RBM15: variants seen among roughly 807,000 people sequenced by gnomAD.
The protein encoded by RBM15 is RNA-binding protein 15.
RBM15 carries 8 observed loss-of-function variants against 62.6 expected under a neutral mutation model. The observed-to-expected ratio is 0.13, with a 90% CI of 0.07 to 0.23. RBM15 has a LOEUF of 0.23. RBM15 is among the 10% of genes least tolerant of loss of function. The pLI is 1.00. For synonymous variants in RBM15, 606 were observed against 505.7 expected, an observed-to-expected ratio of 1.20 and a Z score of -2.66; for missense variants, 1,144 against 1,286.5, an observed-to-expected ratio of 0.89 and a Z score of 1.69.
In RBM15 at chr1:110,340,068, C is replaced by G; in HGVS notation, c.663C>G (p.Asn221Lys). ...GGGATGAGCGGGTAGCCTTTGTGAACTTCCGGCGGCCAGAGGACGCGCGGG... is the reference window on the plus strand; with the variant it reads ...GGGATGAGCGGGTAGCCTTTGTGAAGTTCCGGCGGCCAGAGGACGCGCGGG... Reference protein sequence around the residue: ...GSGDERVAFVNFRRPEDARAA... With the variant: ...GSGDERVAFVKFRRPEDARAA... Residue 221 changes from asparagine (N) to lysine (K), a missense_variant, in exon 1 of 3, where the codon AAC becomes AAG. By Grantham distance (94) the Asn-to-Lys change is moderately conservative. Coordinates refer to ENST00000369784, the MANE Select transcript of RBM15 (RefSeq NM_022768.5). This position sits in a 1 kb window ranked among gnomAD's most constrained non-coding sequence, Gnocchi z 5.8. 6.2e-7 allele frequency: 1 copy of G among 1,613,970 alleles called. No homozygotes were observed. The highest frequency in any genetic ancestry group is 8.5e-7 in the Non-Finnish European group (1 of 1,180,014).
intron 1 of RBM15, chr1:110,342,717 A>C (rs1660828279): frequency 6.2e-6 from 1 of 160,064 alleles, no homozygotes; most frequent in Non-Finnish European, 1.4e-5. Flanking sequence ...TAGGTAAATA[A>C]TTCTTTTACC....
In RBM15 at chr1:110,339,577, T is replaced by C; in HGVS notation, c.172T>C (p.Ser58Pro). 1.2e-6 allele frequency: 2 copies of C among 1,607,054 alleles called. No homozygotes were observed. The highest frequency in any genetic ancestry group is 1.7e-6 in the Non-Finnish European group (2 of 1,174,846). Residue 58 changes from serine to proline, a missense_variant, in exon 1 of 3, where the codon TCC (serine) becomes CCC (proline). This residue lies in a region of RBM15 where 298 missense variants were observed against 250.0 expected (regional missense o/e 1.19). Coordinates refer to ENST00000369784, the MANE Select transcript of RBM15 (RefSeq NM_022768.5). Reference protein sequence around the residue: ...KERSPVKAKRSRGGEDSTSRG... With the variant: ...KERSPVKAKRPRGGEDSTSRG... ...GCGCTCGCCAGTGAAGGCCAAACGC[T>C]CCCGTGGTGGTGAGGACTCGACTTC...
intron 1 of RBM15, among the ~76,000 whole-genome samples, chr1:110,344,149 T>C (rs1660855264): frequency 1.3e-5 from 2 of 152,192 alleles, no homozygotes; most frequent in South Asian, 2.1e-4. Flanking sequence ...CAAAAAGCTG[T>C]GGTTGGTTTG....
chr1:110,343,294 G>C (rs984908758), intron 1 of RBM15, among the ~76,000 whole-genome samples: 3 of 152,100 alleles, frequency 2.0e-5, no homozygotes, highest in Admixed American at 6.5e-5. Context: ...AAATGCCTTT[G>C]ACATGCTCTT....
chr1:110,344,875 A>T (rs1660869507), intron 1 of RBM15, among the ~76,000 whole-genome samples: 1 of 152,226 alleles, frequency 6.6e-6, no homozygotes, highest in South Asian at 2.1e-4. Flanking sequence ...ATGGAAAGAA[A>T]ACTTCAGGAT....
Position 110,341,965 on chromosome 1 carries a change from C to T in RBM15, c.2560C>T (p.Pro854Ser), listed in dbSNP as rs1447598661. 1.2e-6 allele frequency: 2 copies of T among 1,614,228 alleles called. No individual in the cohort carries two copies. Among genetic ancestry groups the T allele is most frequent in the Non-Finnish European group, 1.7e-6 (2 of 1,180,052 alleles). Reference sequence around the variant, plus strand: ...AACTCGACGCATCAAAGTAGCAGGGCCCAATGGTTATGCCATTCTTTTGGC... The same window carrying T: ...AACTCGACGCATCAAAGTAGCAGGGTCCAATGGTTATGCCATTCTTTTGGC... ...EVTRRIKVAG[P>S]NGYAILLAVP... Residue 854 changes from proline (P) to serine (S), a missense_variant, in exon 1 of 3, where the codon CCC becomes TCC. Around this residue, in one of 8 missense-constraint regions of RBM15, gnomAD observed 144 missense variants for 223.3 expected, o/e 0.64. Transcript: ENST00000369784. The surrounding 1 kb of genome is among the most constrained non-coding windows in gnomAD (Gnocchi z 4.5).
chr1:110,342,424 G>C (rs1156587066), intron 1 of RBM15, 156 bp downstream of exon 1: 1 of 571,884 alleles, frequency 1.7e-6, no homozygotes, highest in East Asian at 3.1e-5. Context: ...CTTTAAAATA[G>C]AAATCAGGAC....
Position 110,341,845 on chromosome 1 carries a change from A to G in RBM15, c.2440A>G (p.Ser814Gly). ...HLLQGDLQVASSLLVEGSTGG... is the reference protein window; with the variant it reads ...HLLQGDLQVAGSLLVEGSTGG... ...GTTGCAGGGTGACCTCCAAGTGGCT[A>G]GTAGTCTTCTTGTGGAGGGTTCAAC... is the stretch of plus-strand genomic sequence containing the variant. Residue 814 changes from serine (S) to glycine (G), a missense_variant, in exon 1 of 3, where the codon AGT (serine) becomes GGT (glycine). This residue lies in a region of RBM15 where 144 missense variants were observed against 223.3 expected (regional missense o/e 0.64). Transcript: ENST00000369784. This position sits in a 1 kb window ranked among gnomAD's most constrained non-coding sequence, Gnocchi z 4.5. The G allele has an allele frequency of 1.2e-6, 2 of 1,614,202 alleles. No individual in the cohort carries two copies. The highest frequency in any genetic ancestry group is 1.7e-6 in the Non-Finnish European group (2 of 1,180,018).
In RBM15 at chr1:110,341,009, A is replaced by C; in HGVS notation, c.1604A>C (p.Gln535Pro). 6.2e-7 allele frequency: 1 copy of C among 1,614,236 alleles called. No individual in the cohort carries two copies. The highest frequency in any genetic ancestry group is 1.1e-5 in the South Asian group (1 of 91,092). Residue 535 changes from glutamine (Q) to proline (P), a missense_variant, in exon 1 of 3, where the codon CAG becomes CCG. This residue lies in a region of RBM15 where 360 missense variants were observed against 342.9 expected (regional missense o/e 1.05). Transcript: ENST00000369784. The surrounding 1 kb of genome is among the most constrained non-coding windows in gnomAD (Gnocchi z 4.5). ...DFADTEHRYQQQYLQPLPLTH... is the reference protein window; with the variant it reads ...DFADTEHRYQPQYLQPLPLTH... ...GCCGACACCGAACATCGTTACCAGC[A>C]GCAGTATCTGCAGCCTCTGCCCTTG... is the stretch of plus-strand genomic sequence containing the variant.
Position 110,346,486 on chromosome 1 carries a change from T to TG in RBM15, c.*220dup. The TG allele has an allele frequency of 1.2e-5, 10 of 816,302 alleles. No individual in the cohort carries two copies. The highest frequency in any genetic ancestry group is 2.0e-5 in the Non-Finnish European group (10 of 495,228). 50.6% of individuals were successfully genotyped at this position (816,302 alleles called of 1,614,324 possible). ...TAAAGTTGTGTATCTGCTATTGTGA[T>TG]GCCAATGCCGGTGTTTTAAGTGGAA... On this transcript the variant is annotated 3_prime_UTR_variant, in exon 3 of 3. Coordinates refer to ENST00000369784, the MANE Select transcript of RBM15 (RefSeq NM_022768.5).
Position 110,341,520 on chromosome 1 carries a change from A to C in RBM15, c.2115A>C (p.Arg705Ser). ...AAAGGCCCTCTCCAATCAGAGACAG[A>C]CGAGGTAGTTTGGAGAAGAGCCAGG... The part of the protein sequence containing the change: ...LLERPSPIRD[R>S]RGSLEKSQGD... The change falls in exon 1 of 3, where the codon AGA becomes AGC. Residue 705 changes from arginine (R) to serine (S), a missense_variant. Transcript: ENST00000369784. The surrounding 1 kb of genome is among the most constrained non-coding windows in gnomAD (Gnocchi z 4.5). 1 of 1,614,094 alleles carries C rather than the reference A, an allele frequency of 6.2e-7. No individual in the cohort carries two copies. The highest frequency in any genetic ancestry group is 8.5e-7 in the Non-Finnish European group (1 of 1,180,024).
chr1:110,344,181 C>G (rs2100940840), intron 1 of RBM15, among the ~76,000 whole-genome samples: 1 of 152,296 alleles, frequency 6.6e-6, no homozygotes, highest in South Asian at 2.1e-4. Flanking sequence ...TGTTCAGAAA[C>G]TAATGCAAGT....
rs139175799 is a variant in RBM15, at chr1:110,346,056, C to T, written c.*41-252C>T. Among the ~76,000 whole-genome samples the T allele has an allele frequency of 2.0e-3, 301 of 152,010 alleles. 3 individuals carry two copies. Among genetic ancestry groups the T allele is most frequent in the African/African-American group, 6.8e-3 (283 of 41,436 alleles). ...ACATGAGTTAAAGGATATTTTCAGT[C>T]CTGTTATCTTCAATTGCAGTCTTTA... On this transcript the variant is annotated intron_variant, in intron 2 of 2. Coordinates refer to ENST00000369784, the MANE Select transcript of RBM15 (RefSeq NM_022768.5).
At position 110,339,967 on chromosome 1, in the gene RBM15, G is replaced by A; in HGVS notation, c.562G>A (p.Asp188Asn). The A allele has an allele frequency of 1.2e-6, 2 of 1,614,172 alleles. No individual in the cohort carries two copies. The highest frequency in any genetic ancestry group is 1.7e-5 in the Admixed American group (1 of 60,032). Residue 188 changes from aspartate to asparagine, a missense_variant, in exon 1 of 3, where the codon GAC becomes AAC. Transcript: ENST00000369784. ...GSQLSDEAVEDGLFHEFKRFG... is the reference protein window; with the variant it reads ...GSQLSDEAVENGLFHEFKRFG... ...CCAGCTTAGTGACGAAGCGGTGGAGGACGGCCTGTTTCATGAGTTCAAACG... is the reference window on the plus strand; with the variant it reads ...CCAGCTTAGTGACGAAGCGGTGGAGAACGGCCTGTTTCATGAGTTCAAACG...
chr1:110,339,437 G>A lies in RBM15; in HGVS notation c.32G>A (p.Arg11Gln), dbSNP rs147573730. MRTAGRDPVP[R>Q]RSPRWRRAVP... ...ACTGCGGGGCGGGACCCTGTGCCGC[G>A]GCGGAGTCCAAGATGGCGGCGTGCG... The change falls in exon 1 of 3, where the codon CGG becomes CAG. Residue 11 changes from arginine to glutamine, a missense_variant. Physicochemically the swap from Arg to Gln is conservative, Grantham distance 43 (BLOSUM62 1). Around this residue, in one of 8 missense-constraint regions of RBM15, gnomAD observed 298 missense variants for 250.0 expected, o/e 1.19. Coordinates refer to ENST00000369784, the MANE Select transcript of RBM15 (RefSeq NM_022768.5). 1 of 1,534,310 alleles carries A rather than the reference G, an allele frequency of 6.5e-7. No homozygotes were observed. Among genetic ancestry groups the A allele is most frequent in the Admixed American group, 2.0e-5 (1 of 49,704 alleles).
chr1:110,344,995 C>T (rs985912437), intron 1 of RBM15, among the ~76,000 whole-genome samples: 15 of 152,166 alleles, frequency 9.9e-5, no homozygotes, highest in Admixed American at 7.9e-4. Context: ...GCCAATAGTT[C>T]TGCTTAACTT....
At position 110,341,793 on chromosome 1, in the gene RBM15, C is replaced by T. The variant is rs535811005; in HGVS notation, c.2388C>T (p.Asn796=). The T allele has an allele frequency of 1.9e-6, 3 of 1,614,218 alleles. No homozygotes were observed. Among genetic ancestry groups the T allele is most frequent in the Admixed American group, 1.7e-5 (1 of 60,020 alleles). ...GGCAGGGCATGCTTCTACTGAAGAA[C>T]AGCAACTTTCCTTCCAACATGCATC... ...LAWQGMLLLK[N]SNFPSNMHLL... The change falls in exon 1 of 3, where the codon AAC becomes AAT. Residue 796 remains asparagine, a synonymous_variant. Transcript: ENST00000369784. The surrounding 1 kb of genome is among the most constrained non-coding windows in gnomAD (Gnocchi z 4.5).
chr1:110,345,612 G>C lies in RBM15; in HGVS notation c.*3G>C. ...ACTTGGCGCTGACCCTGTTATAGTGGTTATAGTGGTGTCCCTAAAGGGAGG... is the reference window on the plus strand; with the variant it reads ...ACTTGGCGCTGACCCTGTTATAGTGCTTATAGTGGTGTCCCTAAAGGGAGG... On this transcript the variant is annotated 3_prime_UTR_variant, in exon 2 of 3. Coordinates refer to ENST00000369784, the MANE Select transcript of RBM15 (RefSeq NM_022768.5). 1 of 1,603,762 alleles carries C rather than the reference G, an allele frequency of 6.2e-7. No homozygotes were observed. Among genetic ancestry groups the C allele is most frequent in the African/African-American group, 1.3e-5 (1 of 74,232 alleles).
At chr1:110,346,277 T>C in intron 2 of RBM15, 31 bp from the exon 3 acceptor site, 7 of 1,593,232 alleles carry the variant, frequency 4.4e-6, no homozygotes, top group Non-Finnish European at 4.3e-6. Flanking sequence ...ACATTTGTAC[T>C]GAATAACCTT....
Sources: gnomAD v4.1 joint callset for allele counts (sites outside exome capture counted in the v4.1 genomes callset) on GRCh38, gnomAD v4.1.1 for gene constraint, gnomAD v4.1.1 regional missense constraint, Gnocchi (gnomAD v3.1) non-coding constraint, MANE v1.5 for transcripts, NCBI Gene and HGNC (gene_info 2026-07-23, HGNC 2026-07-21) for gene names.